Variants in PGM1 observed in about 807,000 individuals in gnomAD.
The protein encoded by PGM1 is phosphoglucomutase-1.
In PGM1, 52 loss-of-function variants were observed where a neutral mutation model predicts 55.6. The observed-to-expected ratio is 0.94, with a 90% CI of 0.75 to 1.18. The LOEUF (loss-of-function observed/expected upper bound fraction) is 1.18. PGM1 is among the 50% of genes most tolerant of loss of function. PGM1 has a pLI of 0.00. For synonymous variants in PGM1, 287 were observed against 271.7 expected (o/e 1.06, Z -0.55); for missense variants, 724 against 729.3 (o/e 0.99, Z 0.08).
Position 63,636,249 on chromosome 1 carries a change from C to T in PGM1, c.889C>T (p.Leu297=), listed in dbSNP as rs1399285366. ...TCTCCCCAAGGATCGAAACATGATT[C>T]TGGGCAAGCATGGGTTCTTTGTGAA... ...FDGDGDRNMI[L]GKHGFFVNPS... Residue 297 remains leucine (L), a synonymous_variant, in exon 6 of 11, where the codon CTG becomes TTG. Coordinates refer to ENST00000371084, the MANE Select transcript of PGM1 (RefSeq NM_002633.3). 3 of 1,614,092 alleles carry T rather than the reference C, an allele frequency of 1.9e-6. No homozygotes were observed. Among genetic ancestry groups the T allele is most frequent in the Non-Finnish European group, 2.5e-6 (3 of 1,179,934 alleles).
At chr1:63,639,724 C>T (rs968575480) in intron 7 of PGM1, among the ~76,000 whole-genome samples, 2 of 152,122 alleles carry the variant, frequency 1.3e-5, no homozygotes, top group African/African-American at 4.8e-5. Context: ...CAAAATCAAG[C>T]ATTCTCTCAG....
intron 1 of PGM1, among the ~76,000 whole-genome samples, chr1:63,602,607 AGT>A (rs376766281): frequency 0.61 from 91,954 of 151,836 alleles, 29,627 homozygotes; most frequent in African/African-American, 0.82. Context: ...TGTGCTCACA[AGT>A]GAATTGAAAT....
At position 63,659,700 on chromosome 1, in the gene PGM1, C is replaced by A. The variant is rs1650067874; in HGVS notation, c.*25C>A. 3 of 1,529,794 alleles carry A rather than the reference C, an allele frequency of 2.0e-6. No homozygotes were observed. The highest frequency in any genetic ancestry group is 2.7e-6 in the Non-Finnish European group (3 of 1,102,846). 94.8% of individuals were successfully genotyped at this position (1,529,794 alleles called of 1,614,324 possible). A position where few individuals can be genotyped will look rare whatever the true frequency, so the allele number is the denominator to read the frequency against. On this transcript the variant is annotated 3_prime_UTR_variant, in exon 11 of 11. Coordinates refer to ENST00000371084, the MANE Select transcript of PGM1 (RefSeq NM_002633.3). Reference sequence around the variant, plus strand: ...AGAAGACAGGCCTGATGTGGTACGTCCCTCCACCCCCGGACCCATCCAAGT... The same window carrying A: ...AGAAGACAGGCCTGATGTGGTACGTACCTCCACCCCCGGACCCATCCAAGT...
At chr1:63,624,116 A>G (rs1648960305) in intron 1 of PGM1, among the ~76,000 whole-genome samples, 1 of 152,178 alleles carries the variant, frequency 6.6e-6, no homozygotes, top group African/African-American at 2.4e-5. Context: ...AGAGGGCTCT[A>G]CTGAATGGTG....
chr1:63,625,566 CT>C (rs1477202450), intron 1 of PGM1, among the ~76,000 whole-genome samples: 9 of 152,120 alleles, frequency 5.9e-5, no homozygotes. Flanking sequence ...GTGGGTGGGA[CT>C]GCAGGGAGGA....
rs144548485 is a variant in PGM1, at chr1:63,620,717, G to A, written c.247-8708G>A. On this transcript the variant is annotated intron_variant, in intron 1 of 10. Transcript: ENST00000371084. ...CTGGAGTCTTTGCAAGGCTGGGAGC[G>A]AAGGGGTTCATAACTCTGCCATTGT... Among the ~76,000 whole-genome samples, 247 of 152,332 alleles carry A rather than the reference G, an allele frequency of 1.6e-3. 2 individuals are homozygous for A. Among genetic ancestry groups the A allele is most frequent in the African/African-American group, 5.7e-3 (236 of 41,568 alleles).
intron 7 of PGM1, among the ~76,000 whole-genome samples, chr1:63,643,321 A>G (rs1466865091): frequency 6.6e-6 from 1 of 152,182 alleles, no homozygotes; most frequent in African/African-American, 2.4e-5. Flanking sequence ...GCATCTTGGT[A>G]TCTTCTTATG....
rs1172911815 is a variant in PGM1 at position 63,654,352 on chromosome 1, A to G, written c.1485A>G (p.Thr495=). 3.7e-6 allele frequency: 6 copies of G among 1,613,908 alleles called. No individual in the cohort carries two copies. Among genetic ancestry groups the G allele is most frequent in the Admixed American group, 3.3e-5 (2 of 60,000 alleles). Residue 495 remains threonine (T), a synonymous_variant, in exon 10 of 11, where the codon ACA becomes ACG. Transcript: ENST00000371084. ...TCCAGGGCTTGCGCCTCATTTTCAC[A>G]GATGGTTCTCGAATCGTCTTCCGAC... ...SRNQGLRLIF[T]DGSRIVFRLS...
At chr1:63,598,968 A>G (rs775639056) in intron 1 of PGM1, among the ~76,000 whole-genome samples, 1 of 152,210 alleles carries the variant, frequency 6.6e-6, no homozygotes, top group African/African-American at 2.4e-5. Context: ...CATGAGATCC[A>G]TCTGCAAACA....
intron 1 of PGM1, among the ~76,000 whole-genome samples, chr1:63,621,859 A>T (rs1007056157): frequency 6.6e-6 from 1 of 152,028 alleles, no homozygotes; most frequent in African/African-American, 2.4e-5. Context: ...TCTGCTTGTG[A>T]GCCTGTTATT....
intron 1 of PGM1, among the ~76,000 whole-genome samples, chr1:63,617,730 C>CA (rs34771728): frequency 0.14 from 5,914 of 43,368 alleles, 924 homozygotes; most frequent in Non-Finnish European, 0.2. Context: ...TGCCTCCCCA[C>CA]AAAAAAAAAA....
chr1:63,614,573 GATAGTTA>G (rs1648658107), intron 1 of PGM1, among the ~76,000 whole-genome samples: 1 of 152,184 alleles, frequency 6.6e-6, no homozygotes, highest in African/African-American at 2.4e-5. Context: ...AAGGTAGCAT[GATAGTTA>G]CATGTCTGGG....
chr1:63,620,731 C>T (rs1170727914), intron 1 of PGM1, among the ~76,000 whole-genome samples: 1 of 152,192 alleles, frequency 6.6e-6, no homozygotes, highest in Non-Finnish European at 1.5e-5. Context: ...GGGTTCATAA[C>T]TCTGCCATTG....
chr1:63,612,459 A>T (rs1648595759), intron 1 of PGM1, among the ~76,000 whole-genome samples: 1 of 152,164 alleles, frequency 6.6e-6, no homozygotes, highest in Non-Finnish European at 1.5e-5. Context: ...ACGCAAAAAA[A>T]ATTTTGACAT....
chr1:63,629,978 A>G lies in PGM1; in HGVS notation c.446A>G (p.Gln149Arg). ...GAAGCAATAACTGATAAAATTTTCC[A>G]AATCAGCAAGACAATTGAAGAATAT... Reference protein sequence around the residue: ...APEAITDKIFQISKTIEEYAV... With the variant: ...APEAITDKIFRISKTIEEYAV... The change falls in exon 3 of 11, where the codon CAA becomes CGA. Residue 149 changes from glutamine (Q) to arginine (R), a missense_variant. Around this residue, in one of 3 missense-constraint regions of PGM1, gnomAD observed 379 missense variants for 357.5 expected, o/e 1.06. Transcript: ENST00000371084. 6.2e-7 allele frequency: 1 copy of G among 1,614,054 alleles called. No homozygotes were observed. The highest frequency in any genetic ancestry group is 8.5e-7 in the Non-Finnish European group (1 of 1,179,962).
chr1:63,651,603 C>T, intron 8 of PGM1, 66 bp from the exon 9 acceptor site: 1 of 1,453,694 alleles, frequency 6.9e-7, no homozygotes, highest in African/African-American at 1.4e-5. Flanking sequence ...GAAGAAAGTG[C>T]TGACTGATAG....
At chr1:63,657,119 T>A (rs77001120) in intron 10 of PGM1, among the ~76,000 whole-genome samples, 2,422 of 152,306 alleles carry the variant, frequency 0.016, 65 homozygotes, top group African/African-American at 0.056. Context: ...TATTAAAAAA[T>A]TGAAAGTAAA....
intron 1 of PGM1, among the ~76,000 whole-genome samples, chr1:63,628,799 A>G (rs1416649971): frequency 1.3e-5 from 2 of 152,138 alleles, no homozygotes; most frequent in Non-Finnish European, 2.9e-5. Flanking sequence ...TTACTCAGGA[A>G]TAACTCCAGC....
chr1:63,609,257 T>C (rs1648504280), intron 1 of PGM1, among the ~76,000 whole-genome samples: 1 of 152,248 alleles, frequency 6.6e-6, no homozygotes. Flanking sequence ...TATTTCAGGA[T>C]GGATCTGTGG....
Sources: allele counts gnomAD v4.1 joint callset (sites outside exome capture counted in the v4.1 genomes callset), GRCh38; gene constraint gnomAD v4.1.1; regional missense constraint gnomAD v4.1.1; transcripts MANE v1.5; gene names NCBI Gene and HGNC (gene_info 2026-07-23, HGNC 2026-07-21).